The following PSD2 variants were observed in gnomAD, a reference collection of about 807,000 sequenced individuals.
The protein encoded by PSD2 is pleckstrin and Sec7 domain containing 2.
Under a neutral mutation model 69.8 loss-of-function variants are expected in PSD2, and 38 were observed. The ratio of observed to expected loss-of-function variants is 0.54; its 90% CI spans 0.42 to 0.71. The LOEUF is 0.71. Ranked by LOEUF, PSD2 falls within the 30% of genes least tolerant of loss-of-function variation. PSD2 has a pLI of 0.00. For missense variants in PSD2, 943 were observed against 1,014.5 expected (o/e 0.93, Z 0.96); for synonymous variants, 412 against 423.0 (o/e 0.97, Z 0.32).
Position 139,814,117 on chromosome 5 carries a change from G to C in PSD2, c.822-53G>C. 1 of 1,574,586 alleles carries C rather than the reference G, an allele frequency of 6.4e-7. No homozygotes were observed. The highest frequency in any genetic ancestry group is 1.4e-5 in the African/African-American group (1 of 73,440). ...GGGAAACCTCCCAGCCTCCTCTGGG[G>C]CCTTTGACCCTGGGCCTCTGACGCT... On this transcript the variant is annotated intron_variant, in intron 3 of 14. Coordinates refer to ENST00000274710, the MANE Select transcript of PSD2 (RefSeq NM_032289.4). The surrounding 1 kb of genome is among the most constrained non-coding windows in gnomAD (Gnocchi z 4.4).
At chr5:139,755,143 G>A in the PSD2 span, among the ~76,000 whole-genome samples, 2 of 152,200 alleles carry the variant, frequency 1.3e-5, no homozygotes, top group African/African-American at 2.4e-5. Flanking sequence ...TGGATTTGAG[G>A]CAGCGCCACC....
Position 139,813,679 on chromosome 5 carries a change from C to A in PSD2, c.742C>A (p.His248Asn). 1.9e-6 allele frequency: 3 copies of A among 1,613,816 alleles called. No homozygotes were observed. Residue 248 changes from histidine (H) to asparagine (N), a missense_variant, in exon 3 of 15, where the codon CAT (histidine) becomes AAT (asparagine). His to Asn is a moderately conservative substitution (Grantham distance 68, BLOSUM62 1). This residue lies in a region of PSD2 where 466 missense variants were observed against 445.0 expected (regional missense o/e 1.05). Transcript: ENST00000274710. ...TCTCATGGCCATGCCCAATGGATTC[C>A]ATGAAGATGGCCCTCAGGGCCCAGG... ...LSLMAMPNGF[H>N]EDGPQGPGGD...
chr5:139,747,242 C>G, the PSD2 span, among the ~76,000 whole-genome samples: 3 of 152,080 alleles, frequency 2.0e-5, no homozygotes, highest in African/African-American at 7.2e-5. The surrounding 1 kb of genome is among the most constrained non-coding windows in gnomAD (Gnocchi z 6.7). Context: ...TTGTCTCCCC[C>G]CCTTCAGTTA....
rs1760813678 is a variant in PSD2 at position 139,839,286 on chromosome 5, C to T, written c.1968+514C>T. Among the ~76,000 whole-genome samples, 1 of 152,276 alleles carries T rather than the reference C, an allele frequency of 6.6e-6. No individual in the cohort carries two copies. The highest frequency in any genetic ancestry group is 6.5e-5 in the Admixed American group (1 of 15,294). ...GGTAGAGGGCAGCGGAAGCCCCACACTTCCTCTTTGCCAGCGGCCTTTCCC... is the reference window on the plus strand; with the variant it reads ...GGTAGAGGGCAGCGGAAGCCCCACATTTCCTCTTTGCCAGCGGCCTTTCCC... On this transcript the variant is annotated intron_variant, in intron 13 of 14. Transcript: ENST00000274710. The surrounding 1 kb of genome is among the most constrained non-coding windows in gnomAD (Gnocchi z 5.1).
intron 2 of PSD2, among the ~76,000 whole-genome samples, chr5:139,812,369 C>T (rs1460059173): frequency 1.3e-5 from 2 of 152,020 alleles, no homozygotes; most frequent in African/African-American, 4.8e-5. Context: ...AGGGAACAGC[C>T]AGTGCAAAGG....
the PSD2 span, among the ~76,000 whole-genome samples, chr5:139,752,867 CG>C: frequency 6.6e-6 from 1 of 152,208 alleles, no homozygotes; most frequent in Non-Finnish European, 1.5e-5. Flanking sequence ...ATTTATAACA[CG>C]GCAGCGCCCC....
the PSD2 span, among the ~76,000 whole-genome samples, chr5:139,788,759 C>T: frequency 6.6e-6 from 1 of 152,208 alleles, no homozygotes; most frequent in African/African-American, 2.4e-5. Flanking sequence ...GTCCCTGGCA[C>T]TCCTGTGGGG....
chr5:139,837,531 A>G lies in PSD2; in HGVS notation c.1666-94A>G. The G allele has an allele frequency of 7.6e-7, 1 of 1,324,448 alleles. No homozygotes were observed. Among genetic ancestry groups the G allele is most frequent in the Non-Finnish European group, 1.0e-6 (1 of 962,546 alleles). 82.0% of individuals were successfully genotyped at this position (1,324,448 alleles called of 1,614,324 possible). ...GTGAGGCAGCAGGAACAGAAAATTA[A>G]GGGAGCCGTAGGGTTAGACAGAGAG... On this transcript the variant is annotated intron_variant, in intron 11 of 14. Coordinates refer to ENST00000274710, the MANE Select transcript of PSD2 (RefSeq NM_032289.4). This position sits in a 1 kb window ranked among gnomAD's most constrained non-coding sequence, Gnocchi z 5.0.
chr5:139,805,023 G>A (rs1428663852), intron 1 of PSD2, among the ~76,000 whole-genome samples: 1 of 144,742 alleles, frequency 6.9e-6, no homozygotes, highest in African/African-American at 2.9e-5. Context: ...GTGTGTGCGT[G>A]TGTGTGTATT....
chr5:139,783,899 C>CCTCTTCT, the PSD2 span, among the ~76,000 whole-genome samples: 1 of 150,180 alleles, frequency 6.7e-6, no homozygotes, highest in African/African-American at 2.5e-5. Flanking sequence ...TTTCTCAGTC[C>CCTCTTCT]CTCTTCTTGT....
the PSD2 span, among the ~76,000 whole-genome samples, chr5:139,750,706 G>T: frequency 6.6e-6 from 1 of 152,230 alleles, no homozygotes; most frequent in East Asian, 1.9e-4. Flanking sequence ...CCACTGATGG[G>T]ATGATGGTTC....
chr5:139,770,334 A>C, the PSD2 span, among the ~76,000 whole-genome samples: 1 of 152,172 alleles, frequency 6.6e-6, no homozygotes, highest in Admixed American at 6.5e-5. Flanking sequence ...AGGCAGGTGG[A>C]TCTCCTGAGG....
chr5:139,815,770 G>A (rs1206338849), intron 4 of PSD2, among the ~76,000 whole-genome samples: 2 of 152,098 alleles, frequency 1.3e-5, no homozygotes, highest in Admixed American at 6.5e-5. Flanking sequence ...GAGGTGGGCG[G>A]ATCACCTGAG....
chr5:139,818,549 G>GAAAC (rs949331522), intron 5 of PSD2, among the ~76,000 whole-genome samples: 2 of 152,094 alleles, frequency 1.3e-5, no homozygotes, highest in African/African-American at 4.8e-5. Flanking sequence ...CTATCTCAAA[G>GAAAC]AAACAAACAA....
chr5:139,804,301 A>T (rs1050928653), intron 1 of PSD2, among the ~76,000 whole-genome samples: 17 of 152,278 alleles, frequency 1.1e-4, no homozygotes, highest in South Asian at 2.1e-4. Flanking sequence ...AATAGGTCCA[A>T]GAAAGATTTC....
chr5:139,745,437 G>C, the PSD2 span, among the ~76,000 whole-genome samples: 179 of 152,354 alleles, frequency 1.2e-3, 1 homozygote, highest in Middle Eastern at 6.8e-3. Context: ...CATCTATGCT[G>C]AGTCGCCTGG....
At chr5:139,831,031 A>T (rs1272636496) in intron 7 of PSD2, among the ~76,000 whole-genome samples, 1 of 151,892 alleles carries the variant, frequency 6.6e-6, no homozygotes, top group African/African-American at 2.4e-5. Flanking sequence ...AGCAGTGTTA[A>T]AATCTCCAGC....
chr5:139,756,235 C>T, the PSD2 span, among the ~76,000 whole-genome samples: 1 of 152,236 alleles, frequency 6.6e-6, no homozygotes, highest in African/African-American at 2.4e-5. Context: ...TGCGCCCCCC[C>T]TTTCATGTCT....
intron 8 of PSD2, 51 bp downstream of exon 8, chr5:139,833,842 G>A (rs1581736992): frequency 7.6e-7 from 1 of 1,321,292 alleles, no homozygotes; most frequent in Non-Finnish European, 1.1e-6. Flanking sequence ...TGAATGGATA[G>A]AGAGGAGAGA....
Sources: gnomAD v4.1 joint callset for allele counts (sites outside exome capture counted in the v4.1 genomes callset) on GRCh38, gnomAD v4.1.1 for gene constraint, gnomAD v4.1.1 regional missense constraint, Gnocchi (gnomAD v3.1) non-coding constraint, MANE v1.5 for transcripts, NCBI Gene and HGNC (gene_info 2026-07-23, HGNC 2026-07-21) for gene names.